Variants in MAP3K20 observed in about 807,000 individuals in gnomAD.
The protein encoded by MAP3K20 is HCCS-4.
MAP3K20 carries 40 observed loss-of-function variants against 85.7 expected under a neutral mutation model. The ratio of observed to expected loss-of-function variants is 0.47; its 90% CI spans 0.36 to 0.61. MAP3K20 has a LOEUF of 0.61. MAP3K20 is among the 20% of genes least tolerant of loss of function. The pLI is 0.00. For synonymous variants in MAP3K20, 325 were observed against 327.7 expected (o/e 0.99, Z 0.09); for missense variants, 817 against 961.7 (o/e 0.85, Z 1.99).
intron 4 of MAP3K20, among the ~76,000 whole-genome samples, chr2:173,184,572 G>A (rs1690428775): frequency 1.3e-5 from 2 of 152,174 alleles, no homozygotes; most frequent in African/African-American, 4.8e-5. Context: ...AAGAGTGCTA[G>A]TGCTCTGCAT....
chr2:173,102,754 A>G (rs1687670567), intron 2 of MAP3K20, among the ~76,000 whole-genome samples: 1 of 152,212 alleles, frequency 6.6e-6, no homozygotes, highest in Admixed American at 6.5e-5. Context: ...CATTTTAAAA[A>G]CATGCCAAGC....
chr2:173,181,108 G>T (rs1479713203), intron 3 of MAP3K20, among the ~76,000 whole-genome samples: 5 of 152,006 alleles, frequency 3.3e-5, no homozygotes, highest in Non-Finnish European at 4.4e-5. Flanking sequence ...ATATAAAAGG[G>T]GCTAATAGGC....
Position 173,267,065 on chromosome 2 carries a change from A to G in MAP3K20, c.*315A>G, listed in dbSNP as rs370631012. The G allele has an allele frequency of 4.8e-4, 96 of 198,330 alleles. No individual in the cohort carries two copies. In the South Asian group the frequency reaches 0.015, roughly 31 times the overall value. 12.3% of individuals were successfully genotyped at this position (198,330 alleles called of 1,614,324 possible). A position where few individuals can be genotyped will look rare whatever the true frequency, so the allele number is the denominator to read the frequency against. On this transcript the variant is annotated 3_prime_UTR_variant, in exon 20 of 20. Transcript: ENST00000375213. ...ATATTCTGGTTAGCAGGGCCAGGAC[A>G]AGGGGAAGGAAAATGAGGTCAACAA...
At chr2:173,171,659 T>C (rs966226208) in intron 3 of MAP3K20, among the ~76,000 whole-genome samples, 2 of 152,218 alleles carry the variant, frequency 1.3e-5, no homozygotes, top group Non-Finnish European at 2.9e-5. Context: ...TGTATCAGAC[T>C]AGTCAATCCT....
rs546579820 is a variant in MAP3K20 at position 173,154,854 on chromosome 2, G to C, written c.160-14951G>C. On this transcript the variant is annotated intron_variant, in intron 2 of 19. Transcript: ENST00000375213. ...AAGATCAGAATTCCAAGTTACTTAG[G>C]GAAACTTTAGCATTACTATAGAAAT... Among the ~76,000 whole-genome samples the C allele has an allele frequency of 9.2e-5, 14 of 152,188 alleles. No homozygotes were observed. In the South Asian group the frequency reaches 2.9e-3, roughly 32 times the overall value.
In MAP3K20 at chr2:173,232,203, T is replaced by A. The variant is rs1433180549; in HGVS notation, c.1044T>A (p.Val348=). The part of the protein sequence containing the change: ...AWTEDDVYCW[V]QQLVRKGDSS... ...CCTCTCTTTCACAGTATTGTTGGGTTCAGCAGCTCGTCAGAAAAGGCAAGT... is the reference window on the plus strand; with the variant it reads ...CCTCTCTTTCACAGTATTGTTGGGTACAGCAGCTCGTCAGAAAAGGCAAGT... Residue 348 remains valine (V), a synonymous_variant, in exon 13 of 20, where the codon GTT becomes GTA. Coordinates refer to ENST00000375213, the MANE Select transcript of MAP3K20 (RefSeq NM_016653.3). 1 of 1,614,236 alleles carries A rather than the reference T, an allele frequency of 6.2e-7. No homozygotes were observed. The highest frequency in any genetic ancestry group is 1.6e-4 in the Middle Eastern group (1 of 6,062).
chr2:173,190,152 C>G (rs58407376), intron 5 of MAP3K20, among the ~76,000 whole-genome samples: 31,538 of 152,096 alleles, frequency 0.21, 4,267 homozygotes, highest in East Asian at 0.57. Flanking sequence ...CTACTTTCCT[C>G]CCTCAGCTCT....
intron 2 of MAP3K20, among the ~76,000 whole-genome samples, chr2:173,132,495 C>G (rs1688646801): frequency 6.6e-6 from 1 of 152,204 alleles, no homozygotes; most frequent in Non-Finnish European, 1.5e-5. Context: ...CCCTGCCCCT[C>G]AGGCGCTTCT....
At chr2:173,197,145 A>G (rs1690870989) in intron 7 of MAP3K20, among the ~76,000 whole-genome samples, 1 of 152,186 alleles carries the variant, frequency 6.6e-6, no homozygotes, top group Admixed American at 6.5e-5. Context: ...TTTGCACTTT[A>G]CAGAGTATTG....
intron 2 of MAP3K20, among the ~76,000 whole-genome samples, chr2:173,125,405 G>A (rs1180306917): frequency 6.6e-6 from 1 of 152,090 alleles, no homozygotes; most frequent in Non-Finnish European, 1.5e-5. Flanking sequence ...AGCAAAATAA[G>A]GATCTCAGAT....
intron 2 of MAP3K20, among the ~76,000 whole-genome samples, chr2:173,138,753 C>G (rs1688876709): frequency 1.3e-5 from 2 of 152,138 alleles, no homozygotes; most frequent in South Asian, 4.1e-4. Flanking sequence ...ATGCTTGTGA[C>G]AAGAGAGAAG....
chr2:173,266,569 A>G lies in MAP3K20; in HGVS notation c.2222A>G (p.Asn741Ser). The G allele has an allele frequency of 6.2e-7, 1 of 1,613,780 alleles. No individual in the cohort carries two copies. The highest frequency in any genetic ancestry group is 8.5e-7 in the Non-Finnish European group (1 of 1,179,932). ...AGCCCCAGGGACCTCCACCAACCCA[A>G]CACCATACCAGGGATGCCTTTGCAC... ...KRSPRDLHQP[N>S]TIPGMPLHPE... The change falls in exon 20 of 20, where the codon AAC becomes AGC. Residue 741 changes from asparagine (N) to serine (S), a missense_variant. By Grantham distance (46) the Asn-to-Ser change is conservative (BLOSUM62 1). This residue lies in a region of MAP3K20 where 454 missense variants were observed against 476.9 expected (regional missense o/e 0.95). Coordinates refer to ENST00000375213, the MANE Select transcript of MAP3K20 (RefSeq NM_016653.3).
intron 2 of MAP3K20, among the ~76,000 whole-genome samples, chr2:173,118,013 G>A (rs1042189203): frequency 6.6e-6 from 1 of 152,154 alleles, no homozygotes; most frequent in African/African-American, 2.4e-5. Context: ...TACCCCCAAG[G>A]GGTTTTCTGT....
intron 16 of MAP3K20, among the ~76,000 whole-genome samples, chr2:173,248,822 G>A (rs1353902360): frequency 6.6e-6 from 1 of 152,168 alleles, no homozygotes; most frequent in Non-Finnish European, 1.5e-5. Context: ...ACACTATTGG[G>A]TCTCTCTTAG....
chr2:173,100,798 A>G (rs1687616604), intron 2 of MAP3K20, among the ~76,000 whole-genome samples: 1 of 152,216 alleles, frequency 6.6e-6, no homozygotes, highest in Non-Finnish European at 1.5e-5. Flanking sequence ...TGTGCTACGT[A>G]TATAAATCAT....
At chr2:173,114,529 T>C (rs1276947749) in intron 2 of MAP3K20, among the ~76,000 whole-genome samples, 1 of 152,200 alleles carries the variant, frequency 6.6e-6, no homozygotes, top group Non-Finnish European at 1.5e-5. Flanking sequence ...AGAGGTTCTG[T>C]CTTGATGCGT....
At chr2:173,147,436 T>A (rs1689166870) in intron 2 of MAP3K20, among the ~76,000 whole-genome samples, 1 of 152,236 alleles carries the variant, frequency 6.6e-6, no homozygotes, top group African/African-American at 2.4e-5. Flanking sequence ...GGATATGTCA[T>A]ATGGCCACAT....
intron 14 of MAP3K20, among the ~76,000 whole-genome samples, chr2:173,237,012 T>C (rs1366749238): frequency 6.8e-6 from 1 of 146,290 alleles, no homozygotes; most frequent in East Asian, 2.1e-4. Context: ...TGGAGCAGTA[T>C]ATCCACCTTT....
chr2:173,108,137 T>TTA (rs201568489), intron 2 of MAP3K20, among the ~76,000 whole-genome samples: 45,729 of 151,328 alleles, frequency 0.3, 8,411 homozygotes, highest in Non-Finnish European at 0.41. Context: ...ATTTTTATTT[T>TTA]TTTTTTTATT....
Sources: gnomAD v4.1 joint callset for allele counts (sites outside exome capture counted in the v4.1 genomes callset) on GRCh38, gnomAD v4.1.1 for gene constraint, gnomAD v4.1.1 regional missense constraint, MANE v1.5 for transcripts, NCBI Gene and HGNC (gene_info 2026-07-23, HGNC 2026-07-21) for gene names.